AP1G1: variants seen among roughly 807,000 people sequenced by gnomAD.
AP1G1 encodes adaptor related protein complex 1 subunit gamma 1, also known as AP-1 complex subunit gamma-1.
AP1G1 carries 7 observed loss-of-function variants against 108.3 expected under a neutral mutation model. The ratio of observed to expected loss-of-function variants is 0.06; its 90% CI spans 0.04 to 0.12. AP1G1 has a LOEUF of 0.12. AP1G1 is among the 10% of genes least tolerant of loss of function. AP1G1 has a pLI of 1.00. For missense variants in AP1G1, 756 were observed against 1,010.7 expected (o/e 0.75, Z 3.42); for synonymous variants, 379 against 353.5 (o/e 1.07, Z -0.81).
intron 1 of AP1G1, among the ~76,000 whole-genome samples, chr16:71,802,706 G>C (rs1597094291): frequency 2.6e-5 from 4 of 151,830 alleles, no homozygotes; most frequent in African/African-American, 4.8e-5. Flanking sequence ...CTCCAGCCTG[G>C]GTGACAGAGC....
At chr16:71,764,787 G>C (rs1245159340) in intron 7 of AP1G1, 61 bp from the exon 8 acceptor site, 2 of 1,065,580 alleles carry the variant, frequency 1.9e-6, no homozygotes, top group Non-Finnish European at 2.8e-6. Context: ...AATCTCACTT[G>C]GTATGAAATT....
At chr16:71,801,002 A>G (rs1414994318) in intron 1 of AP1G1, among the ~76,000 whole-genome samples, 2 of 151,984 alleles carry the variant, frequency 1.3e-5, no homozygotes, top group Admixed American at 1.3e-4. Context: ...TCTCAAAAAA[A>G]CAAAACAAAA....
intron 1 of AP1G1, among the ~76,000 whole-genome samples, chr16:71,796,221 GAAGT>G (rs1222507020): frequency 2.6e-5 from 4 of 152,122 alleles, no homozygotes; most frequent in Admixed American, 6.5e-5. Context: ...CCTGGGTTGT[GAAGT>G]AAGACCGTCT....
chr16:71,795,576 G>A (rs2032556250), intron 1 of AP1G1, among the ~76,000 whole-genome samples: 5 of 152,174 alleles, frequency 3.3e-5, no homozygotes, highest in Admixed American at 3.3e-4. Context: ...GGGCCATACA[G>A]AACCCCTATT....
At chr16:71,792,688 T>C (rs1186386211) in intron 1 of AP1G1, among the ~76,000 whole-genome samples, 1 of 152,040 alleles carries the variant, frequency 6.6e-6, no homozygotes, top group African/African-American at 2.4e-5. Context: ...ACCCCGTCTC[T>C]ACTAAAGATA....
chr16:71,766,458 T>C (rs1321825222), intron 6 of AP1G1: 2 of 465,738 alleles, frequency 4.3e-6, no homozygotes, highest in Non-Finnish European at 8.9e-6. Flanking sequence ...TGTTGATCAA[T>C]TACTTGATAT....
At chr16:71,783,539 ATTT>A (rs898116928) in intron 2 of AP1G1, among the ~76,000 whole-genome samples, 1 of 151,926 alleles carries the variant, frequency 6.6e-6, no homozygotes, top group Non-Finnish European at 1.5e-5. Flanking sequence ...TTTAAAGGAA[ATTT>A]TTTTTTAATT....
chr16:71,741,068 G>A (rs959250137), intron 19 of AP1G1, among the ~76,000 whole-genome samples: 1 of 151,996 alleles, frequency 6.6e-6, no homozygotes, highest in Non-Finnish European at 1.5e-5. Flanking sequence ...TAGAACATGA[G>A]GGATATCAAG....
intron 21 of AP1G1, among the ~76,000 whole-genome samples, chr16:71,736,596 TTA>T (rs2045549033): frequency 2.1e-5 from 3 of 144,490 alleles, no homozygotes; most frequent in African/African-American, 7.7e-5. Context: ...ATTTATTTAT[TTA>T]TTTTTTGAGA....
At chr16:71,793,356 G>C (rs2032470806) in intron 1 of AP1G1, among the ~76,000 whole-genome samples, 1 of 152,066 alleles carries the variant, frequency 6.6e-6, no homozygotes, top group African/African-American at 2.4e-5. Context: ...CTTTACTCCA[G>C]ATAGAAGTCC....
At chr16:71,805,800 C>A (rs562263197) in intron 1 of AP1G1, among the ~76,000 whole-genome samples, 1 of 151,932 alleles carries the variant, frequency 6.6e-6, no homozygotes, top group Non-Finnish European at 1.5e-5. Flanking sequence ...TTTGCGAGGC[C>A]GAGGCAAGAG....
At chr16:71,804,775 G>A (rs1029657242) in intron 1 of AP1G1, among the ~76,000 whole-genome samples, 1 of 152,090 alleles carries the variant, frequency 6.6e-6, no homozygotes, top group Non-Finnish European at 1.5e-5. Flanking sequence ...CCAGCACTTT[G>A]GGAGACAGAG....
intron 19 of AP1G1, among the ~76,000 whole-genome samples, chr16:71,740,160 C>T (rs1031272772): frequency 5.9e-5 from 9 of 152,212 alleles, no homozygotes; most frequent in African/African-American, 2.2e-4. Flanking sequence ...TAGAGTTGAA[C>T]ATCAGTATAT....
intron 2 of AP1G1, among the ~76,000 whole-genome samples, chr16:71,775,993 A>G (rs2031767936): frequency 1.3e-5 from 2 of 152,184 alleles, no homozygotes; most frequent in Admixed American, 1.3e-4. Flanking sequence ...AGGCCAAAAC[A>G]TTACCTCTAG....
In AP1G1 at chr16:71,785,243, G is replaced by T. The variant is rs112669024; in HGVS notation, c.201+4036C>A. ...CATAAAATTTACTATTTATAAAGTAGACTCACATACCCAAGTTGTTTAAAA... is the reference window on the plus strand; with the variant it reads ...CATAAAATTTACTATTTATAAAGTATACTCACATACCCAAGTTGTTTAAAA... On this transcript the variant is annotated intron_variant, in intron 2 of 22. Transcript: ENST00000299980. Among the ~76,000 whole-genome samples the T allele has an allele frequency of 3.5e-3, 526 of 152,060 alleles. 7 individuals carry two copies. The highest frequency in any genetic ancestry group is 0.012 in the African/African-American group (497 of 41,472).
At chr16:71,757,978 C>A (rs1159368622) in intron 11 of AP1G1, among the ~76,000 whole-genome samples, 1 of 152,142 alleles carries the variant, frequency 6.6e-6, no homozygotes, top group Non-Finnish European at 1.5e-5. Flanking sequence ...TCTGAGAACC[C>A]ACTGAGAGGG....
At chr16:71,767,837 A>C in intron 6 of AP1G1, 2 of 1,593,020 alleles carry the variant, frequency 1.3e-6, no homozygotes, top group Non-Finnish European at 1.7e-6. Flanking sequence ...CTAAGGACCT[A>C]ATGCCAGCAT....
intron 1 of AP1G1, among the ~76,000 whole-genome samples, chr16:71,789,908 T>C (rs2032334337): frequency 6.6e-6 from 1 of 152,132 alleles, no homozygotes; most frequent in South Asian, 2.1e-4. Context: ...CAAAAATAAA[T>C]ATGGTCACAA....
chr16:71,806,140 C>A (rs1001828329), intron 1 of AP1G1, among the ~76,000 whole-genome samples: 1 of 152,042 alleles, frequency 6.6e-6, no homozygotes, highest in African/African-American at 2.4e-5. Context: ...GAAATATCAC[C>A]AAGGCATTCC....
Sources: gnomAD v4.1 joint callset for allele counts (sites outside exome capture counted in the v4.1 genomes callset) on GRCh38, gnomAD v4.1.1 for gene constraint, MANE v1.5 for transcripts, NCBI Gene and HGNC (gene_info 2026-07-23, HGNC 2026-07-21) for gene names.